KHDRBS2: variants seen among roughly 807,000 people sequenced by gnomAD.
KHDRBS2 encodes KH RNA binding domain containing, signal transduction associated 2, also known as KH domain-containing, RNA-binding, signal transduction-associated protein 2.
In KHDRBS2, 26 loss-of-function variants were observed where a neutral mutation model predicts 44.3. The ratio of observed to expected loss-of-function variants is 0.59; its 90% CI spans 0.43 to 0.81. The LOEUF (loss-of-function observed/expected upper bound fraction) is 0.81, where lower values mean the gene tolerates loss of function less well. Ranked by LOEUF, KHDRBS2 falls within the 40% of genes least tolerant of loss-of-function variation. The probability of loss-of-function intolerance (pLI) is 0.00; values close to 1 mark genes in which losing one functional copy is unlikely to be tolerated. For synonymous variants in KHDRBS2, 194 were observed against 151.1 expected (o/e 1.28, Z -2.08); for missense variants, 476 against 433.1 (o/e 1.10, Z -0.88).
At chr6:61,977,061 G>T (rs182811263) in intron 4 of KHDRBS2, among the ~76,000 whole-genome samples, 13 of 152,176 alleles carry the variant, frequency 8.5e-5, no homozygotes, top group Admixed American at 6.5e-4. Context: ...TATGTGACTA[G>T]ATCTTGATGC....
the KHDRBS2 span, among the ~76,000 whole-genome samples, chr6:61,634,699 G>T: frequency 2.0e-5 from 3 of 152,084 alleles, no homozygotes; most frequent in African/African-American, 7.2e-5. Context: ...AGGCATAAAG[G>T]TCTCAAGAAA....
the KHDRBS2 span, among the ~76,000 whole-genome samples, chr6:61,596,139 A>T: frequency 6.6e-6 from 1 of 152,142 alleles, no homozygotes; most frequent in African/African-American, 2.4e-5. Flanking sequence ...GAGAATCCAG[A>T]GGCTCAAAAA....
chr6:61,779,192 A>T (rs1782558754), intron 6 of KHDRBS2, among the ~76,000 whole-genome samples: 2 of 151,478 alleles, frequency 1.3e-5, no homozygotes, highest in African/African-American at 2.4e-5. Context: ...TAGTATACCA[A>T]TTTTTTTTTA....
At chr6:62,103,113 C>T (rs1802281388) in intron 2 of KHDRBS2, among the ~76,000 whole-genome samples, 1 of 152,122 alleles carries the variant, frequency 6.6e-6, no homozygotes, top group Admixed American at 6.5e-5. Flanking sequence ...TACCATCCAA[C>T]CAGCCAAAAG....
rs555697081 is a variant in KHDRBS2 at position 62,076,886 on chromosome 6, A to C, written c.220-28892T>G. Among the ~76,000 whole-genome samples the C allele has an allele frequency of 5.3e-4, 80 of 152,040 alleles. 1 individual carries two copies. The highest frequency in any genetic ancestry group is 4.1e-3 in the South Asian group (20 of 4,826). On this transcript the variant is annotated intron_variant, in intron 2 of 8. Transcript: ENST00000281156. ...ATAGTGAGACCTCATCTCTATAAAA[A>C]ATTTAAAAATTAGCCAGGTGTGGTG... is the stretch of plus-strand genomic sequence containing the variant.
chr6:61,794,302 A>T (rs1293124265), intron 6 of KHDRBS2, among the ~76,000 whole-genome samples: 1 of 152,180 alleles, frequency 6.6e-6, no homozygotes, highest in Admixed American at 6.5e-5. Flanking sequence ...GTGTTCTAAT[A>T]CGTGTAAGAC....
At chr6:62,177,387 C>G (rs891498742) in intron 1 of KHDRBS2, 75 bp from the exon 2 acceptor site, 30 of 1,155,972 alleles carry the variant, frequency 2.6e-5, no homozygotes, top group Non-Finnish European at 3.6e-5. Flanking sequence ...AAAATGTTAT[C>G]ATAAATAATA....
intron 6 of KHDRBS2, among the ~76,000 whole-genome samples, chr6:61,858,459 A>T (rs1240895962): frequency 6.6e-6 from 1 of 151,802 alleles, no homozygotes; most frequent in Non-Finnish European, 1.5e-5. Context: ...TCTCCCCCAT[A>T]ATTTTAAATT....
At chr6:62,228,570 C>T (rs536007141) in intron 1 of KHDRBS2, among the ~76,000 whole-genome samples, 1 of 152,202 alleles carries the variant, frequency 6.6e-6, no homozygotes, top group African/African-American at 2.4e-5. Context: ...TTGTCTTCTG[C>T]TACCTTTTGG....
chr6:61,850,414 T>C (rs1392716637), intron 6 of KHDRBS2, among the ~76,000 whole-genome samples: 3 of 152,198 alleles, frequency 2.0e-5, no homozygotes, highest in Non-Finnish European at 4.4e-5. Flanking sequence ...GAAATACATT[T>C]GCATTTATTA....
At chr6:62,101,591 T>C (rs1397852368) in intron 2 of KHDRBS2, among the ~76,000 whole-genome samples, 1 of 152,194 alleles carries the variant, frequency 6.6e-6, no homozygotes, top group African/African-American at 2.4e-5. Context: ...AGTAGGATTC[T>C]GGATATGTAC....
At chr6:62,155,675 C>T (rs1816200890) in intron 2 of KHDRBS2, among the ~76,000 whole-genome samples, 1 of 152,200 alleles carries the variant, frequency 6.6e-6, no homozygotes, top group Admixed American at 6.5e-5. Context: ...ACTATTGTTT[C>T]TGTAACTCAT....
intron 3 of KHDRBS2, among the ~76,000 whole-genome samples, chr6:62,028,267 T>A (rs1000050461): frequency 2.1e-4 from 32 of 152,104 alleles, no homozygotes; most frequent in African/African-American, 7.5e-4. Context: ...GCAATGTATA[T>A]TTTATTTGTA....
chr6:61,572,921 C>T, the KHDRBS2 span, among the ~76,000 whole-genome samples: 2 of 152,128 alleles, frequency 1.3e-5, no homozygotes, highest in Non-Finnish European at 2.9e-5. Context: ...GACAAGGATG[C>T]CCACTTTCAC....
At chr6:61,843,825 C>G (rs1250137186) in intron 6 of KHDRBS2, among the ~76,000 whole-genome samples, 1 of 152,030 alleles carries the variant, frequency 6.6e-6, no homozygotes, top group Non-Finnish European at 1.5e-5. Flanking sequence ...GCATTTTTAT[C>G]AAACAGCCCA....
chr6:62,156,016 T>C (rs528365316), intron 2 of KHDRBS2, among the ~76,000 whole-genome samples: 3 of 152,320 alleles, frequency 2.0e-5, no homozygotes, highest in Admixed American at 6.5e-5. Flanking sequence ...AGTTATACAA[T>C]ACATTGTTTG....
chr6:61,856,083 T>C (rs1245302766), intron 6 of KHDRBS2, among the ~76,000 whole-genome samples: 2 of 152,146 alleles, frequency 1.3e-5, no homozygotes, highest in Non-Finnish European at 2.9e-5. Context: ...TGTCTTTCCT[T>C]TTTTGTTGTT....
chr6:61,703,462 G>A (rs1769005039), intron 7 of KHDRBS2, among the ~76,000 whole-genome samples: 1 of 151,560 alleles, frequency 6.6e-6, no homozygotes, highest in South Asian at 2.1e-4. Flanking sequence ...CATTTAAGGG[G>A]GTATTCTTAA....
chr6:62,045,193 C>A (rs776561237), intron 3 of KHDRBS2, among the ~76,000 whole-genome samples: 1 of 151,914 alleles, frequency 6.6e-6, no homozygotes, highest in South Asian at 2.1e-4. Flanking sequence ...CCAGTGATTG[C>A]GAATTACTTT....
Sources: allele counts gnomAD v4.1 joint callset (sites outside exome capture counted in the v4.1 genomes callset), GRCh38; gene constraint gnomAD v4.1.1; transcripts MANE v1.5; gene names NCBI Gene and HGNC (gene_info 2026-07-23, HGNC 2026-07-21).